Variants in ADGRA2 observed in about 807,000 individuals in gnomAD.
ADGRA2 encodes G-protein coupled receptor 124.
Under a neutral mutation model 98.7 loss-of-function variants are expected in ADGRA2, and 61 were observed. The ratio of observed to expected loss-of-function variants is 0.62; its 90% confidence interval spans 0.50 to 0.76. ADGRA2 has a LOEUF of 0.76. ADGRA2 is among the 30% of genes least tolerant of loss of function. The pLI is 0.00. For synonymous variants in ADGRA2, 858 were observed against 831.5 expected (o/e 1.03, Z -0.55); for missense variants, 1,712 against 1,860.0 (o/e 0.92, Z 1.46).
rs1279304165 is a variant in ADGRA2 at position 37,833,718 on chromosome 8, C to T, written c.1327C>T (p.Leu443=). Residue 443 remains leucine, a synonymous_variant, in exon 10 of 19, where the codon CTG becomes TTG. Transcript: ENST00000412232. Reference sequence around the variant, plus strand: ...CATCAATGCCTCCAATGCGCTGACCCTGGCTCACCAGCTGCGCGTGTACAC... The same window carrying T: ...CATCAATGCCTCCAATGCGCTGACCTTGGCTCACCAGCTGCGCGTGTACAC... ...MPINASNALT[L]AHQLRVYTAE... is the part of the protein sequence containing the mutation. 3 of 1,614,200 alleles carry T rather than the reference C, an allele frequency of 1.9e-6. No individual in the cohort carries two copies. The highest frequency in any genetic ancestry group is 2.5e-6 in the Non-Finnish European group (3 of 1,180,016).
chr8:37,801,401 C>CG (rs967320056), intron 1 of ADGRA2, among the ~76,000 whole-genome samples: 3 of 152,056 alleles, frequency 2.0e-5, no homozygotes, highest in African/African-American at 7.3e-5. Context: ...AAAGGTCCCA[C>CG]GGGGGGTGGC....
intron 2 of ADGRA2, among the ~76,000 whole-genome samples, chr8:37,818,687 G>C (rs1805046257): frequency 6.6e-6 from 1 of 152,256 alleles, no homozygotes. Context: ...GAGCACAGGA[G>C]ATCAGGTGCC....
intron 2 of ADGRA2, among the ~76,000 whole-genome samples, chr8:37,822,419 T>A (rs1203694213): frequency 5.2e-4 from 71 of 136,380 alleles, no homozygotes; most frequent in African/African-American, 2.0e-3. Context: ...AGTCACATGC[T>A]CTTTAACTCA....
At chr8:37,832,583 G>C (rs2130020793) in intron 8 of ADGRA2, among the ~76,000 whole-genome samples, 1 of 152,190 alleles carries the variant, frequency 6.6e-6, no homozygotes, top group African/African-American at 2.4e-5. Flanking sequence ...CACTGTGCCT[G>C]GCCACAAAAA....
Position 37,797,048 on chromosome 8 carries a change from G to A in ADGRA2, c.-221G>A, listed in dbSNP as rs1429960121. 5.0e-6 allele frequency: 1 copy of A among 199,308 alleles called. No individual in the cohort carries two copies. The highest frequency in any genetic ancestry group is 9.9e-6 in the Non-Finnish European group (1 of 101,364). The allele number at this position is 199,308 out of a possible 1,614,324, so 12.3% of individuals were successfully genotyped here. A position where few individuals can be genotyped will look rare whatever the true frequency, so the allele number is the denominator to read the frequency against. ...CGCGCAGCTGGGAGCTGCCCGCGCT[G>A]CGCTGACAGCCGCGCCGACGTCCTC... On this transcript the variant is annotated 5_prime_UTR_variant, in exon 1 of 19. Coordinates refer to ENST00000412232, the MANE Select transcript of ADGRA2 (RefSeq NM_032777.10). The surrounding 1 kb of genome is among the most constrained non-coding windows in gnomAD (Gnocchi z 5.3).
chr8:37,844,307 T>C lies in ADGRA2; in HGVS notation c.*1952T>C, dbSNP rs928971260. 2 of 682,476 alleles carry C rather than the reference T, an allele frequency of 2.9e-6. No individual in the cohort carries two copies. Among genetic ancestry groups the C allele is most frequent in the African/African-American group, 3.6e-5 (2 of 55,160 alleles). The allele number at this position is 682,476 out of a possible 1,614,324, so 42.3% of individuals were successfully genotyped here. Reference sequence around the variant, plus strand: ...AAGGGATGGGAATCTCTCCTACCTATAGTCATCCCTGCACTCCTGACTTTA... The same window carrying C: ...AAGGGATGGGAATCTCTCCTACCTACAGTCATCCCTGCACTCCTGACTTTA... On this transcript the variant is annotated 3_prime_UTR_variant, in exon 19 of 19. Coordinates refer to ENST00000412232, the MANE Select transcript of ADGRA2 (RefSeq NM_032777.10).
At chr8:37,820,579 C>T (rs1486303721) in intron 2 of ADGRA2, among the ~76,000 whole-genome samples, 3 of 152,234 alleles carry the variant, frequency 2.0e-5, no homozygotes, top group African/African-American at 7.2e-5. Context: ...ACTCAGATGT[C>T]TAGGCTTGGG....
rs750816819 is a variant in ADGRA2, at chr8:37,844,159, CAGG to C, written c.*1810_*1812del. On this transcript the variant is annotated 3_prime_UTR_variant, in exon 19 of 19. Coordinates refer to ENST00000412232, the MANE Select transcript of ADGRA2 (RefSeq NM_032777.10). ...GCAGAGGGAAGCCCCCTCAGGCCTG[CAGG>C]AGGAGCCGCAGCAGTGTGTCCAATT... 2.1e-5 allele frequency: 6 copies of C among 284,752 alleles called. No homozygotes were observed. Among genetic ancestry groups the C allele is most frequent in the Non-Finnish European group, 4.0e-5 (6 of 148,786 alleles). The allele number at this position is 284,752 out of a possible 1,614,324, so 17.6% of individuals were successfully genotyped here.
In ADGRA2 at chr8:37,844,388, G is replaced by C. The variant is rs1805908692; in HGVS notation, c.*2033G>C. 1.3e-6 allele frequency: 2 copies of C among 1,488,176 alleles called. No individual in the cohort carries two copies. The highest frequency in any genetic ancestry group is 1.4e-5 in the African/African-American group (1 of 71,558). The allele number at this position is 1,488,176 out of a possible 1,614,324, so 92.2% of individuals were successfully genotyped here. On this transcript the variant is annotated 3_prime_UTR_variant, in exon 19 of 19. Transcript: ENST00000412232. ...AGCCCCTCTTGGTTCCTTCAAACAA[G>C]AAAAGCAATACCTACGGACTGGTGT...
intron 1 of ADGRA2, among the ~76,000 whole-genome samples, chr8:37,810,859 G>A (rs936509736): frequency 7.2e-5 from 11 of 152,008 alleles, no homozygotes; most frequent in Admixed American, 7.2e-4. Flanking sequence ...TATCATGCCT[G>A]TAATCCCAGC....
chr8:37,835,036 A>T, intron 11 of ADGRA2, 138 bp from the exon 12 acceptor site: 1 of 624,630 alleles, frequency 1.6e-6, no homozygotes, highest in Admixed American at 2.9e-5. Context: ...AAAAAAAAAA[A>T]GAGAGAGAGG....
chr8:37,835,209 C>A lies in ADGRA2; in HGVS notation c.1644C>A (p.Ile548=), dbSNP rs1433199355. The change falls in exon 12 of 19, where the codon ATC becomes ATA. Residue 548 remains isoleucine (I), a synonymous_variant. Coordinates refer to ENST00000412232, the MANE Select transcript of ADGRA2 (RefSeq NM_032777.10). ...ARNVALEAYL[I]KPHSYVGLTC... ...ACGTGGCATTGGAGGCCTACCTCATCAAGCCGCACAGCTACGTGGGCCTGA... is the reference window on the plus strand; with the variant it reads ...ACGTGGCATTGGAGGCCTACCTCATAAAGCCGCACAGCTACGTGGGCCTGA... 1 of 1,613,820 alleles carries A rather than the reference C, an allele frequency of 6.2e-7. No individual in the cohort carries two copies. The highest frequency in any genetic ancestry group is 8.5e-7 in the Non-Finnish European group (1 of 1,179,952).
Position 37,829,361 on chromosome 8 carries a change from GGA to G in ADGRA2, c.482+31_482+32del, listed in dbSNP as rs778208464. Reference sequence around the variant, plus strand: ...AGTGATGGGGTGAGAAGTGGGGAGGGGAGGAGAGGGAAGAAGTGCATAGGAAG... The same window carrying G: ...AGTGATGGGGTGAGAAGTGGGGAGGGGGAGAGGGAAGAAGTGCATAGGAAG... On this transcript the variant is annotated intron_variant, in intron 4 of 18. Transcript: ENST00000412232. The G allele has an allele frequency of 1.9e-6, 3 of 1,592,188 alleles. No individual in the cohort carries two copies. In the East Asian group the frequency reaches 6.7e-5, roughly 36 times the overall value.
chr8:37,836,106 G>A (rs1373847963), intron 13 of ADGRA2, among the ~76,000 whole-genome samples: 1 of 133,376 alleles, frequency 7.5e-6, no homozygotes, highest in African/African-American at 3.0e-5. Flanking sequence ...CACCCCACAG[G>A]CCCAATGCAG....
At position 37,837,766 on chromosome 8, in the gene ADGRA2, G is replaced by T; in HGVS notation, c.2086G>T (p.Ala696Ser). ...CGVGNLTEPV[A>S]VSLRHWAEGA... ...CGTGGGAAACCTGACAGAGCCAGTGGCCGTTTCGCTGCGGCACTGGGCTGA... is the reference window on the plus strand; with the variant it reads ...CGTGGGAAACCTGACAGAGCCAGTGTCCGTTTCGCTGCGGCACTGGGCTGA... Residue 696 changes from alanine (A) to serine (S), a missense_variant, in exon 14 of 19, where the codon GCC becomes TCC. By Grantham distance (99) the Ala-to-Ser change is moderately conservative. Transcript: ENST00000412232. The T allele has an allele frequency of 6.4e-7, 1 of 1,553,178 alleles. No homozygotes were observed.
chr8:37,829,568 C>G lies in ADGRA2; in HGVS notation c.554+9C>G. The G allele has an allele frequency of 6.3e-7, 1 of 1,590,688 alleles. No individual in the cohort carries two copies. The highest frequency in any genetic ancestry group is 8.6e-7 in the Non-Finnish European group (1 of 1,158,662). ...CCAGCCCTTAAGGTTGTGTGAGTAT[C>G]TCTTCCTAGCTCAAGGACCCAGACC... is the stretch of plus-strand genomic sequence containing the variant. On this transcript the variant is annotated intron_variant, in intron 5 of 18. Coordinates refer to ENST00000412232, the MANE Select transcript of ADGRA2 (RefSeq NM_032777.10).
chr8:37,835,842 C>T (rs1223560963), intron 13 of ADGRA2, 72 bp downstream of exon 13: 2 of 943,852 alleles, frequency 2.1e-6, no homozygotes, highest in Non-Finnish European at 1.7e-6. Context: ...TTATCCTGCC[C>T]TTCCCTGGCC....
In ADGRA2 at chr8:37,800,445, G is replaced by A. The variant is rs144342503; in HGVS notation, c.266+2911G>A. ...GTGACAACTCCCAGACTCTTCTCCC[G>A]CTCTATCTTGGTTATTTGCTGAGAT... On this transcript the variant is annotated intron_variant, in intron 1 of 18. Coordinates refer to ENST00000412232, the MANE Select transcript of ADGRA2 (RefSeq NM_032777.10). 8.1e-3 allele frequency among the ~76,000 whole-genome samples: 1,235 copies of A among 152,304 alleles called. 14 individuals are homozygous for A. The highest frequency in any genetic ancestry group is 0.028 in the African/African-American group (1,171 of 41,548).
Position 37,834,192 on chromosome 8 carries a change from C to T in ADGRA2, c.1608+64C>T, listed in dbSNP as rs1286992333. The T allele has an allele frequency of 7.0e-6, 10 of 1,429,684 alleles. No individual in the cohort carries two copies. The highest frequency in any genetic ancestry group is 4.2e-5 in the African/African-American group (3 of 71,354). The allele number at this position is 1,429,684 out of a possible 1,614,324, so 88.6% of individuals were successfully genotyped here. On this transcript the variant is annotated intron_variant, in intron 11 of 18. Transcript: ENST00000412232. The surrounding 1 kb of genome is among the most constrained non-coding windows in gnomAD (Gnocchi z 4.2). Reference sequence around the variant, plus strand: ...GAGGAGGGAGGCGCTCCCTCTCAGGCGTGCACCTGCCGTGCCCCAGCTAGC... The same window carrying T: ...GAGGAGGGAGGCGCTCCCTCTCAGGTGTGCACCTGCCGTGCCCCAGCTAGC...
Sources: allele counts gnomAD v4.1 joint callset (sites outside exome capture counted in the v4.1 genomes callset), GRCh38; gene constraint gnomAD v4.1.1; non-coding constraint Gnocchi (gnomAD v3.1); transcripts MANE v1.5; gene names NCBI Gene and HGNC (gene_info 2026-07-23, HGNC 2026-07-21).